The following CSMD1 variants were observed in gnomAD, a reference collection of about 807,000 sequenced individuals.
The protein encoded by CSMD1 is CUB and Sushi multiple domains 1.
CSMD1 carries 213 observed loss-of-function variants against 417.5 expected under a neutral mutation model. The observed-to-expected ratio is 0.51, with a 90% CI of 0.46 to 0.57. The LOEUF (loss-of-function observed/expected upper bound fraction) is 0.57, where lower values mean the gene tolerates loss of function less well. CSMD1 is among the 20% of genes least tolerant of loss of function. The pLI, the probability that CSMD1 is intolerant of heterozygous loss-of-function variation, is 0.00. For synonymous variants in CSMD1, 2,862 were observed against 1,736.8 expected (o/e 1.65, Z -16.11); for missense variants, 6,923 against 4,529.7 (o/e 1.53, Z -15.17).
intron 1 of CSMD1, among the ~76,000 whole-genome samples, chr8:4,970,068 C>A (rs982446005): frequency 6.6e-6 from 1 of 151,996 alleles, no homozygotes; most frequent in South Asian, 2.1e-4. Context: ...ACAGAAATGA[C>A]AAAAGTATTC....
intron 1 of CSMD1, among the ~76,000 whole-genome samples, chr8:4,807,335 A>G (rs1205047004): frequency 6.6e-6 from 1 of 152,148 alleles, no homozygotes; most frequent in Non-Finnish European, 1.5e-5. Flanking sequence ...GGGTGACAGC[A>G]CTGACTTAAA....
intron 5 of CSMD1, among the ~76,000 whole-genome samples, chr8:3,809,590 G>T (rs986465078): frequency 1.3e-5 from 2 of 152,096 alleles, no homozygotes; most frequent in African/African-American, 4.8e-5. Context: ...GTAGATAGTT[G>T]GCCCCACCTG....
chr8:4,349,546 C>G (rs1425769616), intron 3 of CSMD1, among the ~76,000 whole-genome samples: 1 of 152,046 alleles, frequency 6.6e-6, no homozygotes, highest in Non-Finnish European at 1.5e-5. Context: ...CTATACCATG[C>G]TTTTTTATAT....
chr8:4,324,870 A>G (rs762147366), intron 3 of CSMD1, among the ~76,000 whole-genome samples: 27 of 152,308 alleles, frequency 1.8e-4, no homozygotes, highest in Middle Eastern at 3.4e-3. Context: ...AGCACACCTC[A>G]GGGTCCTGGA....
At chr8:4,758,976 T>A (rs12682084) in intron 1 of CSMD1, among the ~76,000 whole-genome samples, 16,301 of 150,644 alleles carry the variant, frequency 0.11, 1,070 homozygotes, top group East Asian at 0.32. Context: ...CAGAGTGAAG[T>A]GCATTGCATG....
At chr8:4,631,450 C>T (rs1563351232) in intron 2 of CSMD1, among the ~76,000 whole-genome samples, 2 of 150,204 alleles carry the variant, frequency 1.3e-5, no homozygotes, top group South Asian at 2.1e-4. Context: ...TCCCTTAGGA[C>T]CTTGTAGCAA....
At chr8:4,076,857 C>A (rs1243234992) in intron 3 of CSMD1, among the ~76,000 whole-genome samples, 1 of 152,134 alleles carries the variant, frequency 6.6e-6, no homozygotes, top group Non-Finnish European at 1.5e-5. Context: ...ATAGGCTACT[C>A]TTTTCTCATT....
At chr8:4,277,743 G>A (rs965320951) in intron 3 of CSMD1, among the ~76,000 whole-genome samples, 2 of 151,998 alleles carry the variant, frequency 1.3e-5, no homozygotes, top group Non-Finnish European at 2.9e-5. Flanking sequence ...TTCCCTAAAT[G>A]TATTTTTATT....
intron 54 of CSMD1, among the ~76,000 whole-genome samples, chr8:2,986,084 T>C (rs1210957504): frequency 6.6e-6 from 1 of 151,564 alleles, no homozygotes; most frequent in African/African-American, 2.4e-5. Flanking sequence ...AGGGAGGGAC[T>C]GATAACCAGG....
intron 7 of CSMD1, among the ~76,000 whole-genome samples, chr8:3,655,862 C>G (rs1798074742): frequency 6.6e-6 from 1 of 152,224 alleles, no homozygotes; most frequent in Admixed American, 6.5e-5. Context: ...ACCTGTCAGA[C>G]TTCATCTTTG....
chr8:3,261,607 C>A (rs544810078), intron 26 of CSMD1, among the ~76,000 whole-genome samples: 1 of 152,248 alleles, frequency 6.6e-6, no homozygotes, highest in Admixed American at 6.5e-5. Context: ...AGGTGTCCTT[C>A]GGCGGTGAGT....
At chr8:4,069,434 C>G (rs753689613) in intron 3 of CSMD1, among the ~76,000 whole-genome samples, 8 of 152,148 alleles carry the variant, frequency 5.3e-5, no homozygotes, top group Non-Finnish European at 1.0e-4. Context: ...ATGATATTCA[C>G]CGTAAAGGAA....
intron 2 of CSMD1, among the ~76,000 whole-genome samples, chr8:4,531,434 G>A (rs138668578): frequency 9.9e-5 from 15 of 152,176 alleles, no homozygotes; most frequent in Middle Eastern, 3.4e-3. Context: ...GATTGCTTTC[G>A]GTGAGTAATT....
At chr8:4,357,128 C>A (rs552370520) in intron 3 of CSMD1, among the ~76,000 whole-genome samples, 1 of 152,202 alleles carries the variant, frequency 6.6e-6, no homozygotes, top group South Asian at 2.1e-4. Flanking sequence ...CATCAAAACC[C>A]CAATTCACTT....
intron 1 of CSMD1, among the ~76,000 whole-genome samples, chr8:4,766,449 T>G (rs113292864): frequency 6.6e-6 from 1 of 152,188 alleles, no homozygotes; most frequent in Non-Finnish European, 1.5e-5. Flanking sequence ...TACAGAAGGC[T>G]AACGTGCTTT....
At chr8:3,288,479 C>G (rs62503421) in intron 25 of CSMD1, among the ~76,000 whole-genome samples, 13,004 of 146,928 alleles carry the variant, frequency 0.089, 975 homozygotes, top group Non-Finnish European at 0.12. Context: ...ATTTCAGACC[C>G]TGTTATTGGT....
At chr8:4,828,984 T>A (rs1350269496) in intron 1 of CSMD1, among the ~76,000 whole-genome samples, 1 of 152,190 alleles carries the variant, frequency 6.6e-6, no homozygotes, top group Non-Finnish European at 1.5e-5. Flanking sequence ...GACACATGAT[T>A]ATTTATCAAA....
chr8:4,276,779 G>A (rs896217968), intron 3 of CSMD1, among the ~76,000 whole-genome samples: 2 of 151,836 alleles, frequency 1.3e-5, no homozygotes, highest in Non-Finnish European at 2.9e-5. Flanking sequence ...AACCCTCAGG[G>A]GAAAGAAAAA....
chr8:3,501,832 T>A (rs1304095583), intron 10 of CSMD1, among the ~76,000 whole-genome samples: 1 of 152,066 alleles, frequency 6.6e-6, no homozygotes, highest in Admixed American at 6.6e-5. Flanking sequence ...TCACCTGAGG[T>A]TGTAAGGGCC....
Sources: gnomAD v4.1 joint callset for allele counts (sites outside exome capture counted in the v4.1 genomes callset) on GRCh38, gnomAD v4.1.1 for gene constraint, MANE v1.5 for transcripts, NCBI Gene and HGNC (gene_info 2026-07-23, HGNC 2026-07-21) for gene names.